The following SH2B1 variants were observed in gnomAD, a reference collection of about 807,000 sequenced individuals.
The protein encoded by SH2B1 is SH2B adapter protein 1.
A neutral mutation model predicts 62.6 loss-of-function variants in SH2B1; 15 were observed. That is an observed-to-expected ratio of 0.24 (90% CI 0.16 to 0.37). The LOEUF is 0.37. Among genes scored for constraint, SH2B1 ranks in the 10% least tolerant of loss-of-function variants. The pLI, the probability that SH2B1 is intolerant of heterozygous loss-of-function variation, is 1.00. For synonymous variants in SH2B1, 443 were observed against 438.0 expected, an observed-to-expected ratio of 1.01 and a Z score of -0.14; for missense variants, 925 against 1,015.6, an observed-to-expected ratio of 0.91 and a Z score of 1.21.
In SH2B1 at chr16:28,852,440, ATATATATTTACATATATATT is replaced by A. The variant is rs1260976028; in HGVS notation, c.-301+5621_-301+5640del. Among the ~76,000 whole-genome samples the A allele has an allele frequency of 3.4e-3, 200 of 58,950 alleles. 72 individuals carry two copies. The highest frequency in any genetic ancestry group is 5.9e-4 in the Non-Finnish European group (17 of 29,034). The allele number at this position is 58,950 out of a possible 152,430, so 38.7% of individuals were successfully genotyped here. On this transcript the variant is annotated intron_variant, in intron 1 of 10. Transcript: ENST00000322610. ...TTTATATATTTACATATATATTTAT[ATATATATTTACATATATATT>A]TATATATATACATATATATTTATAT...
At position 28,871,840 on chromosome 16, in the gene SH2B1, T is replaced by C. The variant is rs1963057111; in HGVS notation, c.1370T>C (p.Ile457Thr). ...TCCATCTCCCCCAGCTCTGCCTCCA[T>C]TGCCGCCTCCCATTTTGACTCGATG... The part of the protein sequence containing the change: ...SASISPSSAS[I>T]AASHFDSMEL... Residue 457 changes from isoleucine (I) to threonine (T), a missense_variant, in exon 5 of 8, where the codon ATT (isoleucine) becomes ACT (threonine). Physicochemically the swap from Ile to Thr is moderately conservative, Grantham distance 89 (BLOSUM62 -1). Transcript: ENST00000684370. The C allele has an allele frequency of 7.4e-6, 12 of 1,613,770 alleles. No individual in the cohort carries two copies. The highest frequency in any genetic ancestry group is 1.3e-5 in the African/African-American group (1 of 74,890).
rs1007119566 is a variant in SH2B1, at chr16:28,863,848, G to A, written c.-2247G>A. ...GGGGTCCTGACGCCTGCGCGGAACC[G>A]GGCTGGGCGCTCGTCGCGTAGTGGG... On this transcript the variant is annotated 5_prime_UTR_variant, in exon 1 of 8. Transcript: ENST00000684370. 6 of 1,528,380 alleles carry A rather than the reference G, an allele frequency of 3.9e-6. No homozygotes were observed. The African/African-American group carries it at 5.5e-5, about 14-fold the overall frequency. 94.7% of individuals were successfully genotyped at this position (1,528,380 alleles called of 1,614,324 possible).
At chr16:28,850,061 G>A (rs563009670) in intron 1 of SH2B1, among the ~76,000 whole-genome samples, 3 of 152,328 alleles carry the variant, frequency 2.0e-5, no homozygotes, top group East Asian at 1.9e-4. Context: ...GCTGTTGACC[G>A]TAGCATCCTC....
rs1163498814 is a variant in SH2B1 at position 28,852,480 on chromosome 16, TTATA to T, written c.-301+5658_-301+5661del. On this transcript the variant is annotated intron_variant, in intron 1 of 10. Transcript: ENST00000322610. Reference sequence around the variant, plus strand: ...TATATTTATATATATACATATATATTTATATATACATACATATATTTATATATAT... The same window carrying T: ...TATATTTATATATATACATATATATTTATACATACATATATTTATATATAT... 3.0e-5 allele frequency among the ~76,000 whole-genome samples: 2 copies of T among 67,000 alleles called. 1 individual carries two copies. Among genetic ancestry groups the T allele is most frequent in the Non-Finnish European group, 4.9e-5 (2 of 40,870 alleles). The allele number at this position is 67,000 out of a possible 152,430, so 44.0% of individuals were successfully genotyped here. A position where few individuals can be genotyped will look rare whatever the true frequency, so the allele number is the denominator to read the frequency against.
At chr16:28,863,386 T>C, upstream of SH2B1, 1 of 354,646 alleles carries the variant, frequency 2.8e-6, no homozygotes, top group Non-Finnish European at 5.2e-6. Flanking sequence ...CTCCCCAAGG[T>C]CACCCGCTTC....
Position 28,863,851 on chromosome 16 carries a change from C to G in SH2B1, c.-2244C>G, listed in dbSNP as rs1962535666. ...GTCCTGACGCCTGCGCGGAACCGGG[C>G]TGGGCGCTCGTCGCGTAGTGGGTGG... is the stretch of plus-strand genomic sequence containing the variant. On this transcript the variant is annotated 5_prime_UTR_variant, in exon 1 of 8. Transcript: ENST00000684370. 6.5e-7 allele frequency: 1 copy of G among 1,527,450 alleles called. No homozygotes were observed. The highest frequency in any genetic ancestry group is 1.2e-5 in the South Asian group (1 of 83,700). The allele number at this position is 1,527,450 out of a possible 1,614,324, so 94.6% of individuals were successfully genotyped here.
At chr16:28,869,790 G>GACTCTTTTTGACTCTTTTTGACTCTTTTT (rs1962934084) in intron 4 of SH2B1, among the ~76,000 whole-genome samples, 1 of 151,992 alleles carries the variant, frequency 6.6e-6, no homozygotes, top group Non-Finnish European at 1.5e-5. Context: ...TGTACTTTTT[G>GACTCTTTTTGACTCTTTTTGACTCTTTTT]GTCTGACCAA....
intron 1 of SH2B1, among the ~76,000 whole-genome samples, chr16:28,850,376 TAGTG>T (rs1164219332): frequency 6.6e-6 from 1 of 152,112 alleles, no homozygotes; most frequent in Non-Finnish European, 1.5e-5. Context: ...CTGGGCAAAA[TAGTG>T]AGACCTTGTC....
chr16:28,873,920 C>T lies in SH2B1; in HGVS notation c.*100C>T. On this transcript the variant is annotated 3_prime_UTR_variant, in exon 8 of 8. Transcript: ENST00000684370. The surrounding 1 kb of genome is among the most constrained non-coding windows in gnomAD (Gnocchi z 4.2). ...AGGCCGAAATCCCTCCCCCATGCTT[C>T]CTGACCCTTGTTGGCCAAGGGCATC... is the stretch of plus-strand genomic sequence containing the variant. The T allele has an allele frequency of 8.1e-7, 1 of 1,227,616 alleles. No homozygotes were observed. The highest frequency in any genetic ancestry group is 1.0e-6 in the Non-Finnish European group (1 of 954,280). 76.0% of individuals were successfully genotyped at this position (1,227,616 alleles called of 1,614,324 possible). A position where few individuals can be genotyped will look rare whatever the true frequency, so the allele number is the denominator to read the frequency against.
intron 1 of SH2B1, among the ~76,000 whole-genome samples, chr16:28,853,156 G>GTA (rs1175529625): frequency 7.9e-6 from 1 of 126,298 alleles, no homozygotes; most frequent in East Asian, 2.2e-4. Flanking sequence ...ATATATAAAT[G>GTA]TATATATAAA....
At chr16:28,847,810 C>T (rs183398011) in intron 1 of SH2B1, among the ~76,000 whole-genome samples, 2,865 of 148,430 alleles carry the variant, frequency 0.019, 45 homozygotes, top group Non-Finnish European at 0.033. Context: ...CAGAGAAAGA[C>T]CCCATCTTTT....
intron 1 of SH2B1, among the ~76,000 whole-genome samples, chr16:28,854,552 T>TCA (rs975203053): frequency 4.6e-5 from 7 of 152,022 alleles, no homozygotes; most frequent in African/African-American, 1.7e-4. Context: ...GCCCAAGAGT[T>TCA]TGAGACCAGC....
At chr16:28,852,761 T>TATATTTAC (rs1962183554) in intron 1 of SH2B1, among the ~76,000 whole-genome samples, 1 of 29,910 alleles carries the variant, frequency 3.3e-5, no homozygotes, top group East Asian at 2.0e-3. Flanking sequence ...TATATATGTA[T>TATATTTAC]ATATATATTT....
upstream of SH2B1, chr16:28,863,543 TG>T: frequency 1.2e-6 from 1 of 819,656 alleles, no homozygotes; most frequent in Non-Finnish European, 1.9e-6. Context: ...AGCCGGGCCC[TG>T]GGACTCTATC....
At chr16:28,857,559 G>T (rs982438753) in intron 1 of SH2B1, among the ~76,000 whole-genome samples, 4 of 152,092 alleles carry the variant, frequency 2.6e-5, no homozygotes, top group African/African-American at 9.7e-5. Context: ...CTACACTTGG[G>T]ATTACAGCTT....
chr16:28,869,905 C>T (rs1414378357), intron 4 of SH2B1, among the ~76,000 whole-genome samples: 1 of 152,250 alleles, frequency 6.6e-6, no homozygotes, highest in African/African-American at 2.4e-5. Flanking sequence ...TCCTGACCCT[C>T]TGTTCTGAGT....
chr16:28,862,081 A>C (rs2152166954), upstream of SH2B1: 1 of 152,246 alleles, frequency 6.6e-6, no homozygotes, highest in Middle Eastern at 3.4e-3. Context: ...CTTTTCGATT[A>C]CTTGGGCCAT....
At chr16:28,847,244 A>G (rs1361941804) in intron 1 of SH2B1, among the ~76,000 whole-genome samples, 3 of 151,568 alleles carry the variant, frequency 2.0e-5, no homozygotes, top group Admixed American at 2.0e-4. Flanking sequence ...AGCACCTAAC[A>G]GGGTGGAGCA....
rs1391106166 is a variant in SH2B1 at position 28,864,618 on chromosome 16, G to A, written c.-1477G>A. On this transcript the variant is annotated 5_prime_UTR_variant, in exon 1 of 8. Coordinates refer to ENST00000684370, the MANE Select transcript of SH2B1 (RefSeq NM_001387430.1). ...TTGAACAGGAGTCTGAGGTCGCTGA[G>A]GGTTTGGGGAGGCTTTCCTGAGCTG... 2.0e-6 allele frequency: 2 copies of A among 985,450 alleles called. No individual in the cohort carries two copies. Among genetic ancestry groups the A allele is most frequent in the African/African-American group, 3.5e-5 (2 of 57,196 alleles). The allele number at this position is 985,450 out of a possible 1,614,324, so 61.0% of individuals were successfully genotyped here. A position where few individuals can be genotyped will look rare whatever the true frequency, so the allele number is the denominator to read the frequency against.
Sources: allele counts gnomAD v4.1 joint callset (sites outside exome capture counted in the v4.1 genomes callset), GRCh38; gene constraint gnomAD v4.1.1; non-coding constraint Gnocchi (gnomAD v3.1); transcripts MANE v1.5; gene names NCBI Gene and HGNC (gene_info 2026-07-23, HGNC 2026-07-21).